Variants in MYLK3 observed in about 807,000 individuals in gnomAD.
MYLK3 encodes the protein MLC kinase.
In MYLK3, 55 loss-of-function variants were observed where a neutral mutation model predicts 76.3. The ratio of observed to expected loss-of-function variants is 0.72; its 90% CI spans 0.58 to 0.90. The LOEUF (loss-of-function observed/expected upper bound fraction) is 0.90, where lower values mean the gene tolerates loss of function less well. Ranked by LOEUF, MYLK3 falls within the 40% of genes least tolerant of loss-of-function variation. The pLI is 0.00. For missense variants in MYLK3, 973 were observed against 1,053.6 expected (o/e 0.92, Z 1.06); for synonymous variants, 416 against 425.4 (o/e 0.98, Z 0.27).
At position 46,702,462 on chromosome 16, in the gene MYLK3, T is replaced by A. The variant is rs1351804407; in HGVS notation, c.*5242A>T. Reference sequence around the variant, plus strand: ...ATACCTTCCTTTTTCTCTGAAGTCATCTAACCACATTGCCAATATCACACC... The same window carrying A: ...ATACCTTCCTTTTTCTCTGAAGTCAACTAACCACATTGCCAATATCACACC... On this transcript the variant is annotated 3_prime_UTR_variant, in exon 13 of 13. Transcript: ENST00000394809. 4.6e-5 allele frequency among the ~76,000 whole-genome samples: 7 copies of A among 152,210 alleles called. No individual in the cohort carries two copies. The highest frequency in any genetic ancestry group is 4.6e-4 in the Admixed American group (7 of 15,274).
At chr16:46,718,254 T>A (rs1181128030) in intron 9 of MYLK3, among the ~76,000 whole-genome samples, 2 of 152,190 alleles carry the variant, frequency 1.3e-5, no homozygotes, top group African/African-American at 2.4e-5. Flanking sequence ...TGCAAGCATG[T>A]GGGAGGCATC....
At chr16:46,758,463 C>T (rs527838464) in intron 1 of MYLK3, among the ~76,000 whole-genome samples, 6 of 152,296 alleles carry the variant, frequency 3.9e-5, no homozygotes, top group Admixed American at 3.3e-4. Context: ...TTATTTGAGA[C>T]ACACTGCAGC....
upstream of MYLK3, among the ~76,000 whole-genome samples, chr16:46,749,617 C>A (rs1431989215): frequency 1.3e-5 from 2 of 152,188 alleles, no homozygotes; most frequent in Admixed American, 1.3e-4. Flanking sequence ...GGCGTGGTGG[C>A]ACGCACCTGT....
chr16:46,757,743 C>T (rs1486992153), intron 1 of MYLK3, among the ~76,000 whole-genome samples: 2 of 152,242 alleles, frequency 1.3e-5, no homozygotes, highest in Non-Finnish European at 2.9e-5. Flanking sequence ...CTATCTGCCT[C>T]CCCGGGGGCC....
rs1325475390 is a variant in MYLK3 at position 46,737,702 on chromosome 16, T to C, written c.1001+9A>G. The C allele has an allele frequency of 1.9e-6, 3 of 1,584,914 alleles. No homozygotes were observed. In the Admixed American group the frequency reaches 5.1e-5, roughly 27 times the overall value. ...CCTCCCTCACCCAGCCTGGAAGAGC[T>C]CCCCTTACCTTGGAGGTGTTTCTCC... On this transcript the variant is annotated intron_variant, in intron 3 of 12. Transcript: ENST00000394809.
Position 46,732,506 on chromosome 16 carries a change from C to T in MYLK3, c.1164G>A (p.Glu388=). The T allele has an allele frequency of 1.2e-6, 2 of 1,606,964 alleles. No homozygotes were observed. The highest frequency in any genetic ancestry group is 1.3e-5 in the African/African-American group (1 of 75,066). Residue 388 remains glutamate (E), a synonymous_variant, in exon 4 of 13, where the codon GAG becomes GAA. Coordinates refer to ENST00000394809, the MANE Select transcript of MYLK3 (RefSeq NM_182493.3). ...CTCCTTCAGGGGTCTGTTCTCCGGG[C>T]TCAGTCCCAGGGGCTTGGAGGCAGC... is the stretch of plus-strand genomic sequence containing the variant. ...TGRCLQAPGT[E]PGEQTPEGAR...
At chr16:46,753,437 A>G (rs959033910) in intron 1 of MYLK3, among the ~76,000 whole-genome samples, 3 of 152,218 alleles carry the variant, frequency 2.0e-5, no homozygotes, top group African/African-American at 7.2e-5. Flanking sequence ...AAAACCATGC[A>G]GTTAACAAGC....
intron 9 of MYLK3, among the ~76,000 whole-genome samples, chr16:46,717,356 C>G (rs1966752309): frequency 6.6e-6 from 1 of 152,144 alleles, no homozygotes; most frequent in Admixed American, 6.5e-5. Context: ...AGAGTTTTTC[C>G]CCAAACAGCC....
At chr16:46,751,542 G>C (rs1967125448), upstream of MYLK3, among the ~76,000 whole-genome samples, 1 of 152,254 alleles carries the variant, frequency 6.6e-6, no homozygotes, top group Non-Finnish European at 1.5e-5. Flanking sequence ...AAGCCTCTTG[G>C]GCTTGGCCTG....
Position 46,703,746 on chromosome 16 carries a change from A to T in MYLK3, c.*3958T>A, listed in dbSNP as rs542154228. 1.3e-5 allele frequency: 2 copies of T among 153,870 alleles called. No individual in the cohort carries two copies. Among genetic ancestry groups the T allele is most frequent in the Non-Finnish European group, 2.9e-5 (2 of 68,030 alleles). The allele number at this position is 153,870 out of a possible 1,614,324, so 9.5% of individuals were successfully genotyped here. On this transcript the variant is annotated 3_prime_UTR_variant, in exon 13 of 13. Transcript: ENST00000394809. ...AACAGACCCCTCAAAGGAACTTTGG[A>T]GGGAAATTGTTTCTCTAGGTAAGGA...
chr16:46,737,814 C>T lies in MYLK3; in HGVS notation c.898G>A (p.Glu300Lys), dbSNP rs780178203. 1.2e-6 allele frequency: 2 copies of T among 1,613,244 alleles called. No homozygotes were observed. Among genetic ancestry groups the T allele is most frequent in the East Asian group, 2.2e-5 (1 of 44,882 alleles). Residue 300 changes from glutamate to lysine, a missense_variant, in exon 3 of 13, where the codon GAA (glutamate) becomes AAA (lysine). Physicochemically the swap from Glu to Lys is moderately conservative, Grantham distance 56. Around this residue, in one of 2 missense-constraint regions of MYLK3, gnomAD observed 641 missense variants for 637.0 expected, o/e 1.01. Coordinates refer to ENST00000394809, the MANE Select transcript of MYLK3 (RefSeq NM_182493.3). ...SSRPDPEPLE[E>K]GTRLTPGPGP... ...GGCCCTGGAGTCAGCCTCGTGCCTT[C>T]CTCTAAGGGCTCAGGGTCAGGCCTG...
Position 46,738,009 on chromosome 16 carries a change from C to T in MYLK3, c.703G>A (p.Ala235Thr), listed in dbSNP as rs1966879793. ...QGDGVPGPAQ[A>T]FPGHLPLPTK... ...GGCAGGGGCAGGTGGCCAGGGAATG[C>T]CTGGGCTGGGCCAGGAACACCATCT... Residue 235 changes from alanine (A) to threonine (T), a missense_variant, in exon 3 of 13, where the codon GCA becomes ACA. By Grantham distance (58) the Ala-to-Thr change is moderately conservative. Transcript: ENST00000394809. 6.2e-7 allele frequency: 1 copy of T among 1,613,424 alleles called. No individual in the cohort carries two copies. Among genetic ancestry groups the T allele is most frequent in the Non-Finnish European group, 8.5e-7 (1 of 1,179,980 alleles).
chr16:46,739,528 GACA>G (rs1966896702), intron 2 of MYLK3, among the ~76,000 whole-genome samples: 2 of 151,928 alleles, frequency 1.3e-5, no homozygotes, highest in Admixed American at 6.6e-5. Context: ...CTGCCACCAA[GACA>G]ACAAGACCAA....
chr16:46,751,265 G>A (rs1445934143), upstream of MYLK3, among the ~76,000 whole-genome samples: 1 of 152,030 alleles, frequency 6.6e-6, no homozygotes, highest in Admixed American at 6.6e-5. Context: ...ACAAAAATTA[G>A]CAGGACATGA....
chr16:46,722,232 G>C (rs1482953789), intron 8 of MYLK3, among the ~76,000 whole-genome samples: 7 of 152,146 alleles, frequency 4.6e-5, no homozygotes, highest in Admixed American at 1.3e-4. Context: ...TGCAGACCCA[G>C]GGTCCAGTGC....
rs959705712 is a variant in MYLK3 at position 46,727,279 on chromosome 16, A to C, written c.1871T>G (p.Val624Gly). ...VLFTRQICEG[V>G]HYLHQHYILH... ...GATGTAGTGCTGGTGCAGGTAATGC[A>C]CACCCTCACAGATCTGCCTGGTGAA... is the stretch of plus-strand genomic sequence containing the variant. Residue 624 changes from valine to glycine, a missense_variant, in exon 8 of 13, where the codon GTG (valine) becomes GGG (glycine). Physicochemically the swap from Val to Gly is moderately radical, Grantham distance 109. Around this residue, in one of 2 missense-constraint regions of MYLK3, gnomAD observed 332 missense variants for 416.6 expected, o/e 0.80. Transcript: ENST00000394809. 6.2e-7 allele frequency: 1 copy of C among 1,614,126 alleles called. No homozygotes were observed. The highest frequency in any genetic ancestry group is 1.1e-5 in the South Asian group (1 of 91,078).
chr16:46,726,182 G>A (rs1275318621), intron 8 of MYLK3: 1 of 152,170 alleles, frequency 6.6e-6, no homozygotes, highest in African/African-American at 2.4e-5. Context: ...ATTGGTCTAT[G>A]TGCCTATTTT....
intron 9 of MYLK3, among the ~76,000 whole-genome samples, chr16:46,718,571 G>A (rs904306694): frequency 3.3e-5 from 5 of 152,212 alleles, no homozygotes; most frequent in African/African-American, 4.8e-5. Context: ...GCTCAGGCGC[G>A]CGGCTCTGCA....
rs1467037214 is a variant in MYLK3, at chr16:46,747,893, G to A, written c.301C>T (p.Gln101Ter). ...GCACCGTGCTGGGCCGCATCCTGCT[G>A]CATGGCCCTCACCAGCTCCAGGACC... The part of the protein sequence containing the change: ...PEVLELVRAM[Q>*]QDAAQHGARL... Residue 101 changes from glutamine to a stop codon, truncating the protein, a stop_gained, in exon 1 of 13, where the codon CAG (glutamine) becomes TAG (stop). Transcript: ENST00000394809. LOFTEE classifies it high-confidence loss of function. 3 of 1,613,926 alleles carry A rather than the reference G, an allele frequency of 1.9e-6. No homozygotes were observed. In the Admixed American group the frequency reaches 5.0e-5, roughly 27 times the overall value.
Sources: allele counts gnomAD v4.1 joint callset (sites outside exome capture counted in the v4.1 genomes callset), GRCh38; gene constraint gnomAD v4.1.1; regional missense constraint gnomAD v4.1.1; transcripts MANE v1.5; gene names NCBI Gene and HGNC (gene_info 2026-07-23, HGNC 2026-07-21).